The following MGLL variants were observed in gnomAD, a reference collection of about 807,000 sequenced individuals.
The protein encoded by MGLL is monoglyceride lipase.
Under a neutral mutation model 29.1 loss-of-function variants are expected in MGLL, and 7 were observed. The observed-to-expected ratio is 0.24, with a 90% confidence interval of 0.14 to 0.45. The LOEUF is 0.45. MGLL is among the 20% of genes least tolerant of loss of function. MGLL has a pLI of 0.99. For missense variants in MGLL, 356 were observed against 413.6 expected, an observed-to-expected ratio of 0.86 and a Z score of 1.21; for synonymous variants, 148 against 168.3, an observed-to-expected ratio of 0.88 and a Z score of 0.93.
intron 2 of MGLL, among the ~76,000 whole-genome samples, chr3:127,809,121 C>T (rs10934820): frequency 0.082 from 12,433 of 151,876 alleles, 1,314 homozygotes; most frequent in African/African-American, 0.24. Flanking sequence ...GCTGCAAGCA[C>T]TATGCCCACA....
intron 3 of MGLL, among the ~76,000 whole-genome samples, chr3:127,767,421 T>C (rs951963625): frequency 1.3e-5 from 2 of 152,230 alleles, no homozygotes; most frequent in African/African-American, 4.8e-5. Flanking sequence ...AAATCCCATA[T>C]TTCATGGCTC....
intron 6 of MGLL, among the ~76,000 whole-genome samples, chr3:127,700,022 G>A (rs1395808782): frequency 2.0e-5 from 3 of 152,128 alleles, no homozygotes; most frequent in Non-Finnish European, 4.4e-5. Flanking sequence ...CTTTTCCTAC[G>A]GAAGCGTCAC....
chr3:127,759,430 G>A (rs1288078470), intron 3 of MGLL, among the ~76,000 whole-genome samples: 5 of 151,712 alleles, frequency 3.3e-5, no homozygotes, highest in Admixed American at 6.6e-5. Context: ...TCTCAGCACC[G>A]TGCCTGGTAC....
intron 5 of MGLL, among the ~76,000 whole-genome samples, chr3:127,717,886 C>T (rs1192244653): frequency 6.6e-6 from 1 of 152,120 alleles, no homozygotes; most frequent in Non-Finnish European, 1.5e-5. Context: ...AGGCACGAGC[C>T]GCGAGCCATG....
chr3:127,813,066 T>C (rs2077692162), intron 2 of MGLL, among the ~76,000 whole-genome samples: 1 of 152,216 alleles, frequency 6.6e-6, no homozygotes, highest in East Asian at 1.9e-4. Flanking sequence ...TCCAGTAGAC[T>C]GTCAATGACC....
At chr3:127,769,058 G>A (rs72626396) in intron 3 of MGLL, among the ~76,000 whole-genome samples, 19,107 of 152,222 alleles carry the variant, frequency 0.13, 1,237 homozygotes, top group Middle Eastern at 0.17. Context: ...GCTAGAAAGA[G>A]TTGGATTGTC....
chr3:127,735,753 A>G (rs1375258070), intron 3 of MGLL: 4 of 1,598,236 alleles, frequency 2.5e-6, no homozygotes, highest in Non-Finnish European at 3.4e-6. Context: ...GCCTTCTCCC[A>G]TTCCCTCCCT....
At chr3:127,780,367 T>G (rs563939223) in intron 3 of MGLL, among the ~76,000 whole-genome samples, 1 of 152,324 alleles carries the variant, frequency 6.6e-6, no homozygotes, top group East Asian at 1.9e-4. Context: ...TGTAACAAAT[T>G]TTAAAGGATG....
chr3:127,788,244 C>G (rs2107718168), intron 2 of MGLL, among the ~76,000 whole-genome samples: 1 of 152,264 alleles, frequency 6.6e-6, no homozygotes, highest in East Asian at 1.9e-4. Flanking sequence ...ACACCTTGGC[C>G]AGATACAGGT....
intron 4 of MGLL, among the ~76,000 whole-genome samples, chr3:127,722,136 G>T (rs190953736): frequency 3.9e-4 from 59 of 152,316 alleles, no homozygotes; most frequent in Non-Finnish European, 6.8e-4. Context: ...CCTCCAAGAA[G>T]TGGCTCTTAG....
At chr3:127,722,744 G>A (rs1406171550) in intron 3 of MGLL, among the ~76,000 whole-genome samples, 178 bp from the exon 4 acceptor site, 2 of 152,156 alleles carry the variant, frequency 1.3e-5, no homozygotes, top group Non-Finnish European at 2.9e-5. Context: ...TTATGGATTA[G>A]GAAACTGAGG....
intron 3 of MGLL, among the ~76,000 whole-genome samples, chr3:127,737,690 G>C (rs868705780): frequency 8.2e-6 from 1 of 122,350 alleles, no homozygotes; most frequent in African/African-American, 3.5e-5. Flanking sequence ...TCTTGCCCAG[G>C]CTGGAGTGCA....
chr3:127,820,740 T>C (rs1177786506), intron 2 of MGLL, among the ~76,000 whole-genome samples: 1 of 152,218 alleles, frequency 6.6e-6, no homozygotes, highest in Non-Finnish European at 1.5e-5. Context: ...CTCAGCACGT[T>C]ACCCACTTGA....
intron 2 of MGLL, chr3:127,791,176 A>T (rs2077293887): frequency 6.6e-6 from 1 of 152,158 alleles, no homozygotes. Context: ...CTGACTCCCA[A>T]ATTCCCTGTG....
rs1350606974 is a variant in MGLL, at chr3:127,726,138, A to C, written c.263-3572T>G. On this transcript the variant is annotated intron_variant, in intron 3 of 7. Transcript: ENST00000265052. ...AAAGCAGGAAAGAAAGAAAGAAAGA[A>C]AGAAAGAAAGAAAGAAAGAAAGAAA... is the stretch of plus-strand genomic sequence containing the variant. 7.6e-4 allele frequency among the ~76,000 whole-genome samples: 19 copies of C among 24,892 alleles called. No individual in the cohort carries two copies. In the East Asian group the frequency reaches 0.014, roughly 18 times the overall value. 16.3% of individuals were successfully genotyped at this position (24,892 alleles called of 152,430 possible).
intron 3 of MGLL, among the ~76,000 whole-genome samples, chr3:127,730,365 G>A (rs1228658181): frequency 6.6e-6 from 1 of 152,116 alleles, no homozygotes; most frequent in African/African-American, 2.4e-5. Flanking sequence ...AGCCTCCCAG[G>A]AAGGCTTCTA....
chr3:127,751,706 T>C (rs772583471), intron 3 of MGLL, among the ~76,000 whole-genome samples: 1 of 151,944 alleles, frequency 6.6e-6, no homozygotes, highest in Non-Finnish European at 1.5e-5. Context: ...TGTAACTAAT[T>C]GATTAACTGG....
chr3:127,792,695 C>G (rs2077321659), intron 2 of MGLL, among the ~76,000 whole-genome samples: 1 of 151,240 alleles, frequency 6.6e-6, no homozygotes, highest in Non-Finnish European at 1.5e-5. Context: ...GAGCGAGACT[C>G]TGTCTCAAAA....
In MGLL at chr3:127,726,172, G is replaced by GA. The variant is rs1173108939; in HGVS notation, c.263-3607dup. 1.1e-4 allele frequency among the ~76,000 whole-genome samples: 4 copies of GA among 37,156 alleles called. No individual in the cohort carries two copies. The South Asian group carries it at 2.1e-3, about 19-fold the overall frequency. 24.4% of individuals were successfully genotyped at this position (37,156 alleles called of 152,430 possible). A position where few individuals can be genotyped will look rare whatever the true frequency, so the allele number is the denominator to read the frequency against. On this transcript the variant is annotated intron_variant, in intron 3 of 7. Coordinates refer to ENST00000265052, the MANE Select transcript of MGLL (RefSeq NM_007283.7). Reference sequence around the variant, plus strand: ...AGAAAGAAAGAAAGAAAGAAAGAAAGAAAGAAAGAAAGAAAAGAAAAGAAA... The same window carrying GA: ...AGAAAGAAAGAAAGAAAGAAAGAAAGAAAAGAAAGAAAGAAAAGAAAAGAAA...
Sources: gnomAD v4.1 joint callset for allele counts (sites outside exome capture counted in the v4.1 genomes callset) on GRCh38, gnomAD v4.1.1 for gene constraint, MANE v1.5 for transcripts, NCBI Gene and HGNC (gene_info 2026-07-23, HGNC 2026-07-21) for gene names.